ESRRB: variants seen among roughly 807,000 people sequenced by gnomAD.
ESRRB encodes estrogen related receptor beta.
Under a neutral mutation model 46.0 loss-of-function variants are expected in ESRRB, and 16 were observed. That is an observed-to-expected ratio of 0.35 (90% CI 0.24 to 0.53). The LOEUF (loss-of-function observed/expected upper bound fraction) is 0.53, where lower values mean the gene tolerates loss of function less well. Among genes scored for constraint, ESRRB ranks in the 20% least tolerant of loss-of-function variants. The pLI, the probability that ESRRB is intolerant of heterozygous loss-of-function variation, is 0.93. For missense variants in ESRRB, 488 were observed against 607.4 expected (o/e 0.80, Z 2.07); for synonymous variants, 246 against 259.6 (o/e 0.95, Z 0.50).
At chr14:76,394,984 T>C (rs532638290) in intron 1 of ESRRB, among the ~76,000 whole-genome samples, 2 of 152,240 alleles carry the variant, frequency 1.3e-5, no homozygotes, top group South Asian at 4.2e-4. Context: ...CTGGGCGAGG[T>C]GGCCTCCTTC....
Position 76,499,955 on chromosome 14 carries a change from C to T in ESRRB, c.*1497C>T, listed in dbSNP as rs1890598063. The T allele has an allele frequency of 1.2e-6, 2 of 1,611,954 alleles. No homozygotes were observed. The highest frequency in any genetic ancestry group is 1.7e-6 in the Non-Finnish European group (2 of 1,179,092). Reference sequence around the variant, plus strand: ...CCTTCCAATCAGCTGCCTTCACAAGCAGGGATCAGAGCAACTCCCCGGGGA... The same window carrying T: ...CCTTCCAATCAGCTGCCTTCACAAGTAGGGATCAGAGCAACTCCCCGGGGA... On this transcript the variant is annotated 3_prime_UTR_variant, in exon 7 of 7. Transcript: ENST00000644823.
Position 76,498,470 on chromosome 14 carries a change from A to G in ESRRB, c.*12A>G. 6.2e-7 allele frequency: 1 copy of G among 1,613,110 alleles called. No individual in the cohort carries two copies. The highest frequency in any genetic ancestry group is 1.1e-5 in the South Asian group (1 of 91,016). On this transcript the variant is annotated 3_prime_UTR_variant, in exon 7 of 7. Transcript: ENST00000644823. ...AGGCCAAGGTGTGATGGCCCCGCAC[A>G]CGGACCAATGCCCACCTACAGACAG...
chr14:76,352,883 G>A (rs1884331189), intron 1 of ESRRB, among the ~76,000 whole-genome samples: 2 of 152,136 alleles, frequency 1.3e-5, no homozygotes, highest in Non-Finnish European at 2.9e-5. Flanking sequence ...AGCACCGTCC[G>A]CCCTTCCTAG....
At chr14:76,339,405 G>A (rs1482975008) in intron 1 of ESRRB, among the ~76,000 whole-genome samples, 1 of 152,198 alleles carries the variant, frequency 6.6e-6, no homozygotes, top group Non-Finnish European at 1.5e-5. Flanking sequence ...CAGGCACATG[G>A]TCAGTGCCCA....
At position 76,475,945 on chromosome 14, in the gene ESRRB, A is replaced by ATG. The variant is rs556656866; in HGVS notation, c.578-6071_578-6070insTG. Among the ~76,000 whole-genome samples, 392 of 152,356 alleles carry ATG rather than the reference A, an allele frequency of 2.6e-3. 2 individuals are homozygous for ATG. The highest frequency in any genetic ancestry group is 8.7e-3 in the African/African-American group (364 of 41,602). On this transcript the variant is annotated intron_variant, in intron 3 of 6. Coordinates refer to ENST00000644823, the MANE Select transcript of ESRRB (RefSeq NM_001379180.1). ...GAGAGATGCCATGCATCGCTTACCC[A>ATG]GTTTCCCCTAATGGTAACATCTTAA... is the stretch of plus-strand genomic sequence containing the variant.
chr14:76,479,422 C>T (rs1464466242), intron 3 of ESRRB, among the ~76,000 whole-genome samples: 1 of 152,190 alleles, frequency 6.6e-6, no homozygotes, highest in Non-Finnish European at 1.5e-5. Flanking sequence ...TTTCTTCCCT[C>T]CTTGGAAACT....
intron 1 of ESRRB, among the ~76,000 whole-genome samples, chr14:76,315,772 C>T (rs1258409757): frequency 6.6e-6 from 1 of 150,828 alleles, no homozygotes; most frequent in Non-Finnish European, 1.5e-5. Flanking sequence ...CAGCTTCATC[C>T]TCCAGTGGGC....
At chr14:76,411,341 G>C (rs181161298) in intron 1 of ESRRB, among the ~76,000 whole-genome samples, 12 of 151,952 alleles carry the variant, frequency 7.9e-5, no homozygotes, top group Non-Finnish European at 1.6e-4. Context: ...CCAGCTACTC[G>C]GGAGGCCGAG....
Position 76,439,345 on chromosome 14 carries a change from C to A in ESRRB, c.55C>A (p.Leu19Met). The change falls in exon 2 of 7, where the codon CTG (leucine) becomes ATG (methionine). Residue 19 changes from leucine to methionine, a missense_variant. Transcript: ENST00000644823. ...CTTCCCGATTTGTGTCCACAGGCTGCTGAACAGGATGTCCTCGGACGACAG... is the reference window on the plus strand; with the variant it reads ...CTTCCCGATTTGTGTCCACAGGCTGATGAACAGGATGTCCTCGGACGACAG... ...PDPLGYHNQLLNRMSSDDRHL... is the reference protein window; with the variant it reads ...PDPLGYHNQLMNRMSSDDRHL... 1 of 1,613,684 alleles carries A rather than the reference C, an allele frequency of 6.2e-7. No individual in the cohort carries two copies.
upstream of ESRRB, among the ~76,000 whole-genome samples, chr14:76,372,084 A>G (rs1176582983): frequency 2.0e-5 from 3 of 152,130 alleles, no homozygotes; most frequent in Non-Finnish European, 4.4e-5. Context: ...GACTGCATAT[A>G]TCATGACGAG....
chr14:76,405,576 G>C (rs1566879823), intron 1 of ESRRB, among the ~76,000 whole-genome samples: 1 of 152,228 alleles, frequency 6.6e-6, no homozygotes, highest in African/African-American at 2.4e-5. Flanking sequence ...GGGCTTGTTG[G>C]TGAGACCTCA....
At chr14:76,381,050 C>A (rs760570910) in intron 1 of ESRRB, among the ~76,000 whole-genome samples, 7 of 152,136 alleles carry the variant, frequency 4.6e-5, no homozygotes, top group Admixed American at 6.5e-5. Flanking sequence ...GCCCCAGCAG[C>A]CTTAGACCTC....
At chr14:76,398,907 G>T (rs1029076719) in intron 1 of ESRRB, among the ~76,000 whole-genome samples, 1 of 152,156 alleles carries the variant, frequency 6.6e-6, no homozygotes, top group African/African-American at 2.4e-5. Context: ...CATTTGATTC[G>T]GTTCAGCCTC....
chr14:76,371,393 T>TG (rs1884621843), upstream of ESRRB: 1 of 152,252 alleles, frequency 6.6e-6, no homozygotes, highest in Admixed American at 6.5e-5. Flanking sequence ...CGGGAGCCCA[T>TG]GGAGCACTGT....
intron 1 of ESRRB, among the ~76,000 whole-genome samples, chr14:76,322,746 G>A (rs1883882586): frequency 6.6e-6 from 1 of 152,190 alleles, no homozygotes; most frequent in South Asian, 2.1e-4. Flanking sequence ...GACGTGGGCA[G>A]TGGGGTCTTC....
chr14:76,393,363 C>A (rs1885544036), intron 1 of ESRRB, among the ~76,000 whole-genome samples: 2 of 152,158 alleles, frequency 1.3e-5, no homozygotes, highest in African/African-American at 4.8e-5. Context: ...CTCTCCATGC[C>A]CTGCAGCCTC....
intron 2 of ESRRB, among the ~76,000 whole-genome samples, 180 bp downstream of exon 2, chr14:76,439,930 CA>C (rs1887848543): frequency 6.6e-6 from 1 of 152,172 alleles, no homozygotes; most frequent in African/African-American, 2.4e-5. Context: ...TGGACAGCTG[CA>C]AGACTGTTGT....
At chr14:76,493,773 T>C (rs1890318019) in intron 6 of ESRRB, among the ~76,000 whole-genome samples, 1 of 152,238 alleles carries the variant, frequency 6.6e-6, no homozygotes, top group African/African-American at 2.4e-5. Flanking sequence ...GGGGGTGCTG[T>C]TGATGACCCA....
upstream of ESRRB, among the ~76,000 whole-genome samples, chr14:76,369,182 C>CA (rs1234244578): frequency 7.9e-5 from 9 of 114,442 alleles, no homozygotes; most frequent in Non-Finnish European, 1.6e-4. Flanking sequence ...GGCAACATCT[C>CA]AAAAAAAAGA....
Sources: allele counts gnomAD v4.1 joint callset (sites outside exome capture counted in the v4.1 genomes callset), GRCh38; gene constraint gnomAD v4.1.1; transcripts MANE v1.5; gene names NCBI Gene and HGNC (gene_info 2026-07-23, HGNC 2026-07-21).